Variants in MSRA observed in about 807,000 individuals in gnomAD.
MSRA encodes the protein mitochondrial peptide methionine sulfoxide reductase.
A neutral mutation model predicts 31.3 loss-of-function variants in MSRA; 54 were observed. That is an observed-to-expected ratio of 1.73 (90% confidence interval 1.39 to 2.17). The LOEUF is 2.17. Among genes scored for constraint, MSRA ranks in the 30% most tolerant of loss-of-function variants. The pLI is 0.00. For synonymous variants in MSRA, 169 were observed against 116.5 expected, an observed-to-expected ratio of 1.45 and a Z score of -2.90; for missense variants, 507 against 300.9, an observed-to-expected ratio of 1.69 and a Z score of -5.07.
intron 1 of MSRA, among the ~76,000 whole-genome samples, chr8:10,106,428 C>T (rs753354221): frequency 4.6e-5 from 7 of 152,190 alleles, no homozygotes; most frequent in African/African-American, 1.7e-4. Flanking sequence ...GTCTCTGCAC[C>T]ATTCCTCTAC....
At chr8:10,074,129 C>G (rs893699389) in intron 1 of MSRA, among the ~76,000 whole-genome samples, 8 of 118,578 alleles carry the variant, frequency 6.7e-5, no homozygotes, top group African/African-American at 2.6e-4. Flanking sequence ...GTCCCCCAGG[C>G]TGGAGTGCAG....
chr8:10,361,986 C>T (rs1271103942), intron 5 of MSRA, among the ~76,000 whole-genome samples: 2 of 152,142 alleles, frequency 1.3e-5, no homozygotes, highest in East Asian at 1.9e-4. Flanking sequence ...CTTCCCTCCT[C>T]TCTCTTGTCG....
intron 5 of MSRA, among the ~76,000 whole-genome samples, chr8:10,330,744 C>A (rs1479787230): frequency 6.6e-6 from 1 of 152,200 alleles, no homozygotes; most frequent in African/African-American, 2.4e-5. Flanking sequence ...CTGTGTGTCC[C>A]CAGTGCCTGG....
intron 2 of MSRA, among the ~76,000 whole-genome samples, chr8:10,231,493 A>G (rs554630192): frequency 3.9e-5 from 6 of 152,310 alleles, no homozygotes; most frequent in African/African-American, 7.2e-5. Flanking sequence ...AGAGTTGGAA[A>G]TGCCTGTCTT....
At chr8:10,324,829 C>G (rs1802269434) in intron 5 of MSRA, among the ~76,000 whole-genome samples, 1 of 152,206 alleles carries the variant, frequency 6.6e-6, no homozygotes, top group Admixed American at 6.5e-5. Context: ...TATGAAATGA[C>G]TAGGCATTCG....
chr8:10,212,076 A>G (rs1027026559), intron 2 of MSRA, among the ~76,000 whole-genome samples: 4 of 152,092 alleles, frequency 2.6e-5, no homozygotes, highest in African/African-American at 9.7e-5. Context: ...AATCCTAGCT[A>G]CTTGGGAGGC....
intron 5 of MSRA, among the ~76,000 whole-genome samples, chr8:10,344,377 C>T (rs1160407907): frequency 1.3e-5 from 2 of 151,576 alleles, no homozygotes; most frequent in East Asian, 3.9e-4. Flanking sequence ...AGTTGAAGAC[C>T]AGCCTGGCCA....
At chr8:10,060,189 A>G (rs1014822444) in intron 1 of MSRA, among the ~76,000 whole-genome samples, 3 of 152,236 alleles carry the variant, frequency 2.0e-5, no homozygotes, top group African/African-American at 7.2e-5. Context: ...TGTTTGCAAT[A>G]GCACAAGACT....
chr8:10,296,330 C>T (rs1455964691), intron 3 of MSRA, among the ~76,000 whole-genome samples: 2 of 152,266 alleles, frequency 1.3e-5, no homozygotes, highest in East Asian at 1.9e-4. Context: ...CATCCTTGTA[C>T]GGAAACACGA....
chr8:10,197,418 G>C (rs4448276), intron 1 of MSRA, among the ~76,000 whole-genome samples: 1 of 151,930 alleles, frequency 6.6e-6, no homozygotes, highest in Non-Finnish European at 1.5e-5. Flanking sequence ...CAGGATGCTT[G>C]GAGAGCTGCA....
chr8:10,090,907 C>G (rs1182074833), intron 1 of MSRA, among the ~76,000 whole-genome samples: 1 of 152,168 alleles, frequency 6.6e-6, no homozygotes. Flanking sequence ...AATGTGTAGC[C>G]CAACAACATT....
At chr8:10,355,111 G>A (rs141083657) in intron 5 of MSRA, among the ~76,000 whole-genome samples, 2 of 152,284 alleles carry the variant, frequency 1.3e-5, no homozygotes, top group African/African-American at 4.8e-5. Context: ...ACTCTTTACT[G>A]TGTCAGGGCC....
intron 3 of MSRA, among the ~76,000 whole-genome samples, chr8:10,268,863 A>G (rs149154664): frequency 1.2e-4 from 19 of 152,372 alleles, no homozygotes; most frequent in African/African-American, 4.3e-4. Context: ...CCTGGAATTC[A>G]GGTACAATTT....
chr8:10,079,826 C>T (rs1375584652), intron 1 of MSRA, among the ~76,000 whole-genome samples: 1 of 152,160 alleles, frequency 6.6e-6, no homozygotes, highest in Non-Finnish European at 1.5e-5. Context: ...CAGGAATTCT[C>T]GGTTTTGGCT....
Position 10,428,491 on chromosome 8 carries a change from G to A in MSRA, c.*179G>A. ...GCGCGATGGCAAGTTGATAAAATGTGACTTATCTCCTAATAAGTTATGGTG... is the reference window on the plus strand; with the variant it reads ...GCGCGATGGCAAGTTGATAAAATGTAACTTATCTCCTAATAAGTTATGGTG... On this transcript the variant is annotated 3_prime_UTR_variant, in exon 6 of 6. Transcript: ENST00000317173. 1 of 641,638 alleles carries A rather than the reference G, an allele frequency of 1.6e-6. No individual in the cohort carries two copies. Among genetic ancestry groups the A allele is most frequent in the Non-Finnish European group, 2.6e-6 (1 of 381,016 alleles). The allele number at this position is 641,638 out of a possible 1,614,324, so 39.7% of individuals were successfully genotyped here. A position where few individuals can be genotyped will look rare whatever the true frequency, so the allele number is the denominator to read the frequency against.
intron 1 of MSRA, among the ~76,000 whole-genome samples, chr8:10,203,713 T>C (rs1247496892): frequency 1.3e-5 from 2 of 152,250 alleles, no homozygotes; most frequent in African/African-American, 2.4e-5. Flanking sequence ...TTTGTCCTTA[T>C]TTTAGAGTGT....
At chr8:10,173,071 A>G (rs1021472647) in intron 1 of MSRA, among the ~76,000 whole-genome samples, 1 of 152,204 alleles carries the variant, frequency 6.6e-6, no homozygotes, top group Non-Finnish European at 1.5e-5. Context: ...AAAATAGCAC[A>G]CTTCTGGAGG....
In MSRA at chr8:10,182,206, A is replaced by G. The variant is rs185113056; in HGVS notation, c.143-25627A>G. ...TCAGGTTTCCTGATTCCTGACCCCAATTCCAGATATTCCTTTATTTGACTT... is the reference window on the plus strand; with the variant it reads ...TCAGGTTTCCTGATTCCTGACCCCAGTTCCAGATATTCCTTTATTTGACTT... On this transcript the variant is annotated intron_variant, in intron 1 of 5. Transcript: ENST00000317173. 1.2e-3 allele frequency among the ~76,000 whole-genome samples: 177 copies of G among 152,312 alleles called. 1 individual carries two copies. Among genetic ancestry groups the G allele is most frequent in the Non-Finnish European group, 2.2e-3 (153 of 68,034 alleles).
intron 3 of MSRA, among the ~76,000 whole-genome samples, chr8:10,292,884 AG>A (rs952649273): frequency 2.7e-5 from 4 of 150,898 alleles, no homozygotes; most frequent in African/African-American, 9.8e-5. Context: ...TGGCCTGGGG[AG>A]GGTGGGGGAA....
Sources: allele counts gnomAD v4.1 joint callset (sites outside exome capture counted in the v4.1 genomes callset), GRCh38; gene constraint gnomAD v4.1.1; transcripts MANE v1.5; gene names NCBI Gene and HGNC (gene_info 2026-07-23, HGNC 2026-07-21).